WWOX: variants seen among roughly 807,000 people sequenced by gnomAD.
WWOX encodes the protein WW domain containing oxidoreductase, also known as WW domain-containing oxidoreductase.
In WWOX, 69 loss-of-function variants were observed where a neutral mutation model predicts 46.2. That is an observed-to-expected ratio of 1.49 (90% confidence interval 1.23 to 1.82). WWOX has a LOEUF of 1.82. Among genes scored for constraint, WWOX ranks in the 40% most tolerant of loss-of-function variants. The pLI is 0.00. For synonymous variants in WWOX, 359 were observed against 202.6 expected (o/e 1.77, Z -6.56); for missense variants, 919 against 542.6 (o/e 1.69, Z -6.89).
intron 8 of WWOX, among the ~76,000 whole-genome samples, chr16:78,796,352 G>A (rs919769147): frequency 1.3e-5 from 2 of 152,210 alleles, no homozygotes; most frequent in African/African-American, 4.8e-5. Flanking sequence ...ATCTGACAGG[G>A]GAAGAAAAAG....
At chr16:78,841,566 A>G (rs190499832) in intron 8 of WWOX, among the ~76,000 whole-genome samples, 70 of 152,372 alleles carry the variant, frequency 4.6e-4, no homozygotes, top group African/African-American at 1.5e-3. Flanking sequence ...TGATGTCTGT[A>G]TTAAAATATA....
chr16:78,131,545 A>G (rs932892172), intron 4 of WWOX, among the ~76,000 whole-genome samples: 1 of 151,090 alleles, frequency 6.6e-6, no homozygotes, highest in African/African-American at 2.4e-5. Flanking sequence ...TTATTTCTGT[A>G]TTTCTATTTG....
chr16:78,966,467 C>T (rs1256623236), intron 8 of WWOX, among the ~76,000 whole-genome samples: 1 of 151,930 alleles, frequency 6.6e-6, no homozygotes, highest in South Asian at 2.1e-4. Flanking sequence ...TCATGTACAT[C>T]GTTTTTAAGA....
At chr16:78,947,630 C>A (rs1023052424) in intron 8 of WWOX, among the ~76,000 whole-genome samples, 6 of 152,168 alleles carry the variant, frequency 3.9e-5, no homozygotes, top group Non-Finnish European at 8.8e-5. Context: ...GGTCAGATAA[C>A]CCCCGATCGT....
At chr16:78,109,904 AATAC>A in intron 3 of WWOX, 69 bp downstream of exon 3, 1 of 1,495,412 alleles carries the variant, frequency 6.7e-7, no homozygotes, top group East Asian at 2.4e-5. Context: ...TTATAAAAGT[AATAC>A]ATAGTAACTG....
intron 4 of WWOX, among the ~76,000 whole-genome samples, chr16:78,148,410 A>G (rs1356103301): frequency 6.6e-6 from 1 of 152,174 alleles, no homozygotes; most frequent in Admixed American, 6.5e-5. Context: ...ATTATGGAGC[A>G]ATTGTTACTT....
At chr16:78,399,305 G>A (rs2082359130) in intron 6 of WWOX, among the ~76,000 whole-genome samples, 1 of 152,206 alleles carries the variant, frequency 6.6e-6, no homozygotes, top group Admixed American at 6.5e-5. Context: ...GTGGCATGGA[G>A]CCTATACCTT....
At position 78,722,854 on chromosome 16, in the gene WWOX, A is replaced by G. The variant is rs150028973; in HGVS notation, c.1056+290102A>G. ...CCAGTAGTTCAAGATCAGTCTGGGC[A>G]ACATAATGAAAACCTAATGTCTACA... On this transcript the variant is annotated intron_variant, in intron 8 of 8. Transcript: ENST00000566780. 5.9e-5 allele frequency among the ~76,000 whole-genome samples: 9 copies of G among 152,068 alleles called. No individual in the cohort carries two copies. The East Asian group carries it at 1.7e-3, about 29-fold the overall frequency.
At chr16:78,950,338 A>C (rs576879899) in intron 8 of WWOX, among the ~76,000 whole-genome samples, 1 of 152,294 alleles carries the variant, frequency 6.6e-6, no homozygotes, top group South Asian at 2.1e-4. Context: ...GGAAAGGAGA[A>C]GTTGAGTACT....
At chr16:78,754,203 C>T (rs976594986) in intron 8 of WWOX, among the ~76,000 whole-genome samples, 14 of 152,054 alleles carry the variant, frequency 9.2e-5, no homozygotes, top group African/African-American at 1.4e-4. Flanking sequence ...TGTCTTCACT[C>T]GGTGAGGATG....
chr16:78,460,892 C>A (rs988084944), intron 8 of WWOX, among the ~76,000 whole-genome samples: 1 of 152,216 alleles, frequency 6.6e-6, no homozygotes. Context: ...AAAGTGTTTT[C>A]TCTGGAGAAT....
intron 5 of WWOX, among the ~76,000 whole-genome samples, chr16:78,315,269 A>G (rs1048276266): frequency 4.6e-5 from 7 of 152,232 alleles, no homozygotes; most frequent in African/African-American, 1.7e-4. Flanking sequence ...AAATGTAGAC[A>G]TGAGAAGTGA....
chr16:79,068,729 C>T (rs28627309), intron 8 of WWOX, among the ~76,000 whole-genome samples: 24,404 of 151,342 alleles, frequency 0.16, 2,389 homozygotes, highest in African/African-American at 0.26. Context: ...GAGGATGGCT[C>T]GAGCCCAGGA....
At position 78,743,408 on chromosome 16, in the gene WWOX, G is replaced by A. The variant is rs148286451; in HGVS notation, c.1056+310656G>A. On this transcript the variant is annotated intron_variant, in intron 8 of 8. Transcript: ENST00000566780. ...TCTGCTTCATGCTGTATTTTGTACT[G>A]TGTCCTGAGATGATGAGGATTCGGT... is the stretch of plus-strand genomic sequence containing the variant. 1.9e-3 allele frequency among the ~76,000 whole-genome samples: 283 copies of A among 152,200 alleles called. 1 individual carries two copies. Among genetic ancestry groups the A allele is most frequent in the African/African-American group, 6.3e-3 (260 of 41,530 alleles).
At chr16:78,760,399 C>T (rs1209891780) in intron 8 of WWOX, among the ~76,000 whole-genome samples, 1 of 152,118 alleles carries the variant, frequency 6.6e-6, no homozygotes, top group East Asian at 1.9e-4. Flanking sequence ...GATAGTTCCC[C>T]ATATCAAGGT....
chr16:78,110,363 AGG>A (rs1349936066), intron 3 of WWOX, among the ~76,000 whole-genome samples: 23 of 142,954 alleles, frequency 1.6e-4, no homozygotes, highest in African/African-American at 5.3e-4. Context: ...AAAAAAAAAG[AGG>A]GAATGCACTG....
chr16:78,946,131 A>C (rs1284686326), intron 8 of WWOX, among the ~76,000 whole-genome samples: 1 of 152,048 alleles, frequency 6.6e-6, no homozygotes, highest in Non-Finnish European at 1.5e-5. Context: ...TTTTACTTTA[A>C]TTCCCCCTAC....
At chr16:78,939,408 T>C (rs2045807594) in intron 8 of WWOX, among the ~76,000 whole-genome samples, 2 of 152,216 alleles carry the variant, frequency 1.3e-5, no homozygotes, top group Admixed American at 1.3e-4. Context: ...TTACTTTTGA[T>C]TCTTGGTTCT....
chr16:79,200,409 A>C (rs1055618333), intron 8 of WWOX, among the ~76,000 whole-genome samples: 16 of 152,308 alleles, frequency 1.1e-4, no homozygotes, highest in Middle Eastern at 3.4e-3. Flanking sequence ...ATTACACGTC[A>C]ACAAGAATAT....
Sources: allele counts gnomAD v4.1 joint callset (sites outside exome capture counted in the v4.1 genomes callset), GRCh38; gene constraint gnomAD v4.1.1; transcripts MANE v1.5; gene names NCBI Gene and HGNC (gene_info 2026-07-23, HGNC 2026-07-21).